PITPNC1: variants seen among roughly 807,000 people sequenced by gnomAD.
PITPNC1 encodes the protein cytoplasmic phosphatidylinositol transfer protein 1.
PITPNC1 carries 18 observed loss-of-function variants against 44.7 expected under a neutral mutation model. The observed-to-expected ratio is 0.40, with a 90% CI of 0.28 to 0.60. PITPNC1 has a LOEUF of 0.60. Ranked by LOEUF, PITPNC1 falls within the 20% of genes least tolerant of loss-of-function variation. The probability of loss-of-function intolerance (pLI) is 0.39; values close to 1 mark genes in which losing one functional copy is unlikely to be tolerated. For missense variants in PITPNC1, 290 were observed against 418.4 expected (o/e 0.69, Z 2.68); for synonymous variants, 141 against 149.6 (o/e 0.94, Z 0.42).
intron 1 of PITPNC1, among the ~76,000 whole-genome samples, chr17:67,436,708 T>C (rs529474633): frequency 9.3e-4 from 141 of 152,118 alleles, no homozygotes; most frequent in African/African-American, 3.3e-3. Context: ...ATAAAAGTCC[T>C]GAGACCAGGG....
chr17:67,460,822 G>A (rs910049986), intron 1 of PITPNC1, among the ~76,000 whole-genome samples: 1 of 143,386 alleles, frequency 7.0e-6, no homozygotes, highest in Non-Finnish European at 1.5e-5. Context: ...GTGGCTCACT[G>A]CAACCTCCAC....
At chr17:67,543,257 G>A (rs7208417) in intron 2 of PITPNC1, among the ~76,000 whole-genome samples, 4 of 152,108 alleles carry the variant, frequency 2.6e-5, no homozygotes, top group Non-Finnish European at 1.5e-5. Context: ...CATCAGCACC[G>A]CAGCTGCCCT....
intron 5 of PITPNC1, among the ~76,000 whole-genome samples, chr17:67,599,026 ATATATATATTTTT>A (rs1282750939): frequency 6.2e-4 from 20 of 32,452 alleles, no homozygotes; most frequent in African/African-American, 2.6e-3. Context: ...ATATATATAT[ATATATATATTTTT>A]TTTTTTTTTT....
chr17:67,493,250 CT>C (rs1440969537), intron 1 of PITPNC1, among the ~76,000 whole-genome samples: 1 of 152,178 alleles, frequency 6.6e-6, no homozygotes. Flanking sequence ...TATTCCATGT[CT>C]CAGAAGAGCC....
At chr17:67,520,419 G>A (rs919196528) in intron 1 of PITPNC1, among the ~76,000 whole-genome samples, 5 of 152,210 alleles carry the variant, frequency 3.3e-5, no homozygotes, top group African/African-American at 1.2e-4. Flanking sequence ...CTTACTAAAG[G>A]TCAGACTTGT....
rs59128496 is a variant in PITPNC1, at chr17:67,570,779, ATT to A, written c.295-7394_295-7393del. Among the ~76,000 whole-genome samples, 134 of 145,800 alleles carry A rather than the reference ATT, an allele frequency of 9.2e-4. 2 individuals are homozygous for A. In the East Asian group the frequency reaches 0.011, roughly 12 times the overall value. On this transcript the variant is annotated intron_variant, in intron 4 of 8. Transcript: ENST00000581322. ...AGTCTGTTTTACTCCAAAAATCTGT[ATT>A]TTTTTTTTTTTTCCTACTAAATCAT...
intron 1 of PITPNC1, among the ~76,000 whole-genome samples, chr17:67,427,901 T>C (rs981862564): frequency 3.9e-5 from 6 of 152,250 alleles, no homozygotes; most frequent in Non-Finnish European, 8.8e-5. Flanking sequence ...CCTAAGTGTC[T>C]GAAATGATAA....
At position 67,378,579 on chromosome 17, in the gene PITPNC1, G is replaced by A. The variant is rs187070231; in HGVS notation, c.48+377G>A. The stretch of plus-strand genomic sequence containing the variant: ...TTGGGGGGCATCCCGTCCTGGCCGT[G>A]GGCCCAGCCTCCCCTCCCCGCCCTC... On this transcript the variant is annotated intron_variant, in intron 1 of 8. Coordinates refer to ENST00000581322, the MANE Select transcript of PITPNC1 (RefSeq NM_012417.4). Among the ~76,000 whole-genome samples the A allele has an allele frequency of 1.9e-3, 283 of 152,288 alleles. 1 individual carries two copies. Among genetic ancestry groups the A allele is most frequent in the African/African-American group, 6.4e-3 (267 of 41,582 alleles).
intron 6 of PITPNC1, chr17:67,639,075 A>AT (rs1907153017): frequency 6.6e-6 from 1 of 152,330 alleles, no homozygotes; most frequent in African/African-American, 2.4e-5. Context: ...GTGAGCCATG[A>AT]TCATGCCACT....
intron 1 of PITPNC1, among the ~76,000 whole-genome samples, chr17:67,469,574 AG>A (rs2039483539): frequency 6.6e-6 from 1 of 152,156 alleles, no homozygotes; most frequent in South Asian, 2.1e-4. Flanking sequence ...CAGCGGCCCC[AG>A]GCTCTTGTGA....
At chr17:67,485,883 A>G (rs892975847) in intron 1 of PITPNC1, among the ~76,000 whole-genome samples, 4 of 152,224 alleles carry the variant, frequency 2.6e-5, no homozygotes, top group African/African-American at 4.8e-5. Context: ...TTAGTCTGCA[A>G]TGTGGATTAA....
intron 1 of PITPNC1, among the ~76,000 whole-genome samples, chr17:67,501,691 G>A (rs1237296742): frequency 6.6e-6 from 1 of 152,150 alleles, no homozygotes; most frequent in Non-Finnish European, 1.5e-5. Context: ...AATGAGCCGG[G>A]ATGTGGTGGT....
intron 1 of PITPNC1, among the ~76,000 whole-genome samples, chr17:67,432,907 C>G (rs1455380671): frequency 6.6e-6 from 1 of 152,182 alleles, no homozygotes; most frequent in Non-Finnish European, 1.5e-5. Flanking sequence ...GTGACTAAAA[C>G]AAACTCCCTG....
At chr17:67,659,984 G>A (rs1268704500) in intron 6 of PITPNC1, among the ~76,000 whole-genome samples, 4 of 152,040 alleles carry the variant, frequency 2.6e-5, no homozygotes, top group African/African-American at 9.7e-5. Context: ...GGGTTCAAGC[G>A]ATTCTTGTGC....
intron 1 of PITPNC1, among the ~76,000 whole-genome samples, chr17:67,432,420 GGAGCTTGCAGTGAGCC>G (rs1383705015): frequency 4.6e-5 from 7 of 152,092 alleles, no homozygotes; most frequent in South Asian, 2.1e-4. Flanking sequence ...CCTGGGAGGT[GGAGCTTGCAGTGAGCC>G]GAGCTTGCAG....
chr17:67,403,251 G>A (rs1401625867), intron 1 of PITPNC1, among the ~76,000 whole-genome samples: 3 of 121,682 alleles, frequency 2.5e-5, no homozygotes, highest in East Asian at 2.1e-4. Flanking sequence ...AGTCATGACT[G>A]CTTTCCTTTG....
chr17:67,550,047 C>T (rs2040738988), intron 2 of PITPNC1, among the ~76,000 whole-genome samples: 1 of 152,144 alleles, frequency 6.6e-6, no homozygotes, highest in African/African-American at 2.4e-5. Flanking sequence ...CCACTGTCAG[C>T]GTCACCTGAG....
chr17:67,547,651 A>G (rs1378416952), intron 2 of PITPNC1, among the ~76,000 whole-genome samples: 1 of 152,176 alleles, frequency 6.6e-6, no homozygotes, highest in Non-Finnish European at 1.5e-5. Context: ...CCAAAGCCCA[A>G]GTGAGCATAC....
chr17:67,537,796 C>T (rs889620957), intron 2 of PITPNC1, among the ~76,000 whole-genome samples: 1 of 128,544 alleles, frequency 7.8e-6, no homozygotes, highest in African/African-American at 2.9e-5. Flanking sequence ...ATGGTGGAAC[C>T]CCGTCTCTAC....
Sources: allele counts gnomAD v4.1 joint callset (sites outside exome capture counted in the v4.1 genomes callset), GRCh38; gene constraint gnomAD v4.1.1; transcripts MANE v1.5; gene names NCBI Gene and HGNC (gene_info 2026-07-23, HGNC 2026-07-21).